ENTPD4: variants seen among roughly 807,000 people sequenced by gnomAD.
ENTPD4 encodes Golgi UDPase.
In ENTPD4, 60 loss-of-function variants were observed where a neutral mutation model predicts 79.1. The ratio of observed to expected loss-of-function variants is 0.76; its 90% confidence interval spans 0.62 to 0.94. The LOEUF is 0.94. Ranked by LOEUF, ENTPD4 falls within the 40% of genes least tolerant of loss-of-function variation. The probability of loss-of-function intolerance (pLI) is 0.00; values close to 1 mark genes in which losing one functional copy is unlikely to be tolerated. For synonymous variants in ENTPD4, 276 were observed against 292.0 expected (o/e 0.95, Z 0.56); for missense variants, 772 against 775.1 (o/e 1.00, Z 0.05).
chr8:23,448,817 A>G lies in ENTPD4; in HGVS notation c.131T>C (p.Val44Ala). 6.2e-7 allele frequency: 1 copy of G among 1,614,164 alleles called. No individual in the cohort carries two copies. Among genetic ancestry groups the G allele is most frequent in the Non-Finnish European group, 8.5e-7 (1 of 1,180,006 alleles). ...GACAACAGAAAAATATAAAAGTGAA[A>G]CAGCAGCAGCCAGGACACTAATGAC... The part of the protein sequence containing the change: ...IMVISVLAAA[V>A]SLLYFSVVII... The change falls in exon 3 of 13, where the codon GTT (valine) becomes GCT (alanine). Residue 44 changes from valine to alanine, a missense_variant. Physicochemically the swap from Val to Ala is moderately conservative, Grantham distance 64 (BLOSUM62 0). Transcript: ENST00000358689.
chr8:23,431,311 G>A lies in ENTPD4; in HGVS notation c.*1615C>T. On this transcript the variant is annotated 3_prime_UTR_variant, in exon 13 of 13. Transcript: ENST00000358689. ...CTGTTATAGCAACAACCCCACTTCT[G>A]GGTACTAATCTGCTACCAACTACAG... is the stretch of plus-strand genomic sequence containing the variant. 5 of 980,722 alleles carry A rather than the reference G, an allele frequency of 5.1e-6. No individual in the cohort carries two copies. The highest frequency in any genetic ancestry group is 6.1e-6 in the Non-Finnish European group (5 of 825,792). 60.8% of individuals were successfully genotyped at this position (980,722 alleles called of 1,614,324 possible).
intron 9 of ENTPD4, among the ~76,000 whole-genome samples, chr8:23,437,472 G>C (rs985346764): frequency 2.0e-5 from 3 of 152,206 alleles, no homozygotes; most frequent in Admixed American, 6.5e-5. Flanking sequence ...GCCTGCAGCA[G>C]ACAGGCTACC....
chr8:23,442,290 A>G (rs1800686541), intron 6 of ENTPD4, among the ~76,000 whole-genome samples: 2 of 152,244 alleles, frequency 1.3e-5, no homozygotes, highest in Non-Finnish European at 2.9e-5. Context: ...CAGGTTGGAA[A>G]TACAATACGC....
intron 7 of ENTPD4, 102 bp downstream of exon 7, chr8:23,441,905 G>A (rs1800678220): frequency 7.6e-6 from 9 of 1,191,590 alleles, no homozygotes; most frequent in South Asian, 6.4e-5. Context: ...ACTCCTACAC[G>A]CTTAGGAGTG....
rs1175185402 is a variant in ENTPD4 at position 23,441,598 on chromosome 8, T to A, written c.853A>T (p.Lys285Ter). Residue 285 changes from lysine to a stop codon, truncating the protein, a stop_gained, in exon 8 of 13, where the codon AAA becomes TAA. Transcript: ENST00000358689. LOFTEE classifies it high-confidence loss of function. ...TGTGAGGACGCAAAGCTTACAGTTT[T>A]GGGGACTTCGTACGCTATCTGAGTC... is the stretch of plus-strand genomic sequence containing the variant. ...VSTQIAYEVP[K>*]TVSFASSQQE... is the part of the protein sequence containing the mutation. 6.2e-7 allele frequency: 1 copy of A among 1,614,108 alleles called. No individual in the cohort carries two copies. The highest frequency in any genetic ancestry group is 8.5e-7 in the Non-Finnish European group (1 of 1,180,048).
In ENTPD4 at chr8:23,432,621, C is replaced by G; in HGVS notation, c.*305G>C. The G allele has an allele frequency of 1.5e-6, 1 of 661,520 alleles. No individual in the cohort carries two copies. The highest frequency in any genetic ancestry group is 2.0e-6 in the Non-Finnish European group (1 of 505,020). The allele number at this position is 661,520 out of a possible 1,614,324, so 41.0% of individuals were successfully genotyped here. The stretch of plus-strand genomic sequence containing the variant: ...TCATGCCATTCTCCTGCCTCAGCCT[C>G]CTGAGTAGCTGGGACTACGGGCGCC... On this transcript the variant is annotated 3_prime_UTR_variant, in exon 13 of 13. Coordinates refer to ENST00000358689, the MANE Select transcript of ENTPD4 (RefSeq NM_004901.5).
At chr8:23,444,399 C>T (rs1212915326) in intron 5 of ENTPD4, 57 bp downstream of exon 5, 2 of 1,467,994 alleles carry the variant, frequency 1.4e-6, no homozygotes, top group Non-Finnish European at 1.9e-6. Flanking sequence ...GGGAGAAGAA[C>T]ACCCCCTCTC....
chr8:23,441,921 A>G (rs2117289105), intron 7 of ENTPD4, 86 bp downstream of exon 7: 4 of 1,292,134 alleles, frequency 3.1e-6, no homozygotes, highest in Middle Eastern at 3.7e-4. Flanking sequence ...GAGTGTCACA[A>G]AGCTTAGCTC....
chr8:23,440,104 C>CA (rs1800641710), intron 8 of ENTPD4, 189 bp from the exon 9 acceptor site: 1 of 538,856 alleles, frequency 1.9e-6, no homozygotes, highest in Non-Finnish European at 3.3e-6. Flanking sequence ...AGATGGGCTG[C>CA]AAATTTGTGA....
chr8:23,450,956 C>T (rs553348849), intron 1 of ENTPD4, among the ~76,000 whole-genome samples: 7 of 152,228 alleles, frequency 4.6e-5, no homozygotes, highest in East Asian at 1.9e-4. Context: ...CTACACAAAT[C>T]GGAAACCAGA....
In ENTPD4 at chr8:23,430,798, C is replaced by T; in HGVS notation, c.*2128G>A. The T allele has an allele frequency of 3.0e-6, 3 of 985,688 alleles. No homozygotes were observed. Among genetic ancestry groups the T allele is most frequent in the Non-Finnish European group, 3.6e-6 (3 of 830,116 alleles). The allele number at this position is 985,688 out of a possible 1,614,324, so 61.1% of individuals were successfully genotyped here. ...CTTCCTTTCCTTTCTTCCCTCTCTG[C>T]TGCTGACACCAGTGGCTCCATCGCC... On this transcript the variant is annotated 3_prime_UTR_variant, in exon 13 of 13. Transcript: ENST00000358689.
chr8:23,432,908 GT>G lies in ENTPD4; in HGVS notation c.*17del, dbSNP rs780475296. ...AAATGGCTTTTCCTTTTGAGTCTTC[GT>G]GGAGCTGTGAGCTGGATCACAAGGT... On this transcript the variant is annotated 3_prime_UTR_variant, in exon 13 of 13. Transcript: ENST00000358689. 1.7e-5 allele frequency: 27 copies of G among 1,563,332 alleles called. No homozygotes were observed. Among genetic ancestry groups the G allele is most frequent in the Non-Finnish European group, 2.3e-5 (26 of 1,151,814 alleles).
At position 23,433,163 on chromosome 8, in the gene ENTPD4, G is replaced by C; in HGVS notation, c.1623-9C>G. ...CCTCCTGCTGGATGTCTCTGCCCAT[G>C]TGAACACCAAACAACAAACAGGACA... is the stretch of plus-strand genomic sequence containing the variant. On this transcript the variant is annotated splice_polypyrimidine_tract_variant and intron_variant, in intron 12 of 12. Coordinates refer to ENST00000358689, the MANE Select transcript of ENTPD4 (RefSeq NM_004901.5). The C allele has an allele frequency of 6.2e-7, 1 of 1,612,804 alleles. No individual in the cohort carries two copies. The highest frequency in any genetic ancestry group is 2.2e-5 in the East Asian group (1 of 44,862).
intron 6 of ENTPD4, 133 bp from the exon 7 acceptor site, chr8:23,442,199 C>G (rs767684320): frequency 2.8e-5 from 17 of 613,148 alleles, no homozygotes; most frequent in Non-Finnish European, 4.0e-5. Flanking sequence ...GAAATAACAC[C>G]TTGCTACTGA....
chr8:23,439,841 T>G lies in ENTPD4; in HGVS notation c.957A>C (p.Arg319=). Residue 319 remains arginine, a synonymous_variant, in exon 9 of 13, where the codon CGA becomes CGC. Transcript: ENST00000358689. ...ACCCAAGAAACGTGGCCACATAGAC[T>G]CGATACACATGCTCAGTTTGGTGAA... ...CDVHQTEHVY[R]VYVATFLGFG... 6.2e-7 allele frequency: 1 copy of G among 1,614,076 alleles called. No individual in the cohort carries two copies. The highest frequency in any genetic ancestry group is 8.5e-7 in the Non-Finnish European group (1 of 1,179,958).
chr8:23,455,906 T>C (rs1195755406), intron 1 of ENTPD4, among the ~76,000 whole-genome samples: 1 of 152,230 alleles, frequency 6.6e-6, no homozygotes, highest in Non-Finnish European at 1.5e-5. Flanking sequence ...GACAATCTTC[T>C]ATCATTCTCC....
intron 5 of ENTPD4, 53 bp downstream of exon 5, chr8:23,444,403 C>CCCT: frequency 1.3e-6 from 2 of 1,516,860 alleles, no homozygotes; most frequent in Non-Finnish European, 1.8e-6. Flanking sequence ...GAAGAACACC[C>CCCT]CCTCTCCCCT....
chr8:23,455,782 T>G (rs940589708), intron 1 of ENTPD4, among the ~76,000 whole-genome samples: 2 of 152,208 alleles, frequency 1.3e-5, no homozygotes, highest in African/African-American at 4.8e-5. Context: ...GTTGAAATCT[T>G]CTAATGCAAA....
intron 12 of ENTPD4, 177 bp downstream of exon 12, chr8:23,434,140 G>T (rs900067592): frequency 4.2e-6 from 3 of 710,356 alleles, no homozygotes; most frequent in Non-Finnish European, 7.1e-6. Flanking sequence ...GGTGAGAAGG[G>T]AGGAAGCACT....
Sources: allele counts gnomAD v4.1 joint callset (sites outside exome capture counted in the v4.1 genomes callset), GRCh38; gene constraint gnomAD v4.1.1; transcripts MANE v1.5; gene names NCBI Gene and HGNC (gene_info 2026-07-23, HGNC 2026-07-21).